PIP4K2A: variants seen among roughly 807,000 people sequenced by gnomAD.
PIP4K2A encodes the protein phosphatidylinositol-5-phosphate 4-kinase type 2 alpha, also known as phosphatidylinositol 5-phosphate 4-kinase type-2 alpha.
A neutral mutation model predicts 42.9 loss-of-function variants in PIP4K2A; 14 were observed. That is an observed-to-expected ratio of 0.33 (90% CI 0.22 to 0.51). The LOEUF is 0.51. Ranked by LOEUF, PIP4K2A falls within the 20% of genes least tolerant of loss-of-function variation. The pLI, the probability that PIP4K2A is intolerant of heterozygous loss-of-function variation, is 0.97. For synonymous variants in PIP4K2A, 192 were observed against 192.2 expected (o/e 1.00, Z 0.01); for missense variants, 434 against 519.8 (o/e 0.83, Z 1.61).
intron 4 of PIP4K2A, among the ~76,000 whole-genome samples, chr10:22,575,466 C>CA (rs1488326926): frequency 6.6e-6 from 1 of 152,188 alleles, no homozygotes; most frequent in Admixed American, 6.5e-5. Context: ...AGCTATGTCT[C>CA]ACAGCGACAA....
chr10:22,692,491 A>G (rs1439879493), intron 1 of PIP4K2A, among the ~76,000 whole-genome samples: 2 of 152,100 alleles, frequency 1.3e-5, no homozygotes, highest in African/African-American at 4.8e-5. Context: ...TCCACACTAG[A>G]TTATTTGAGA....
chr10:22,581,418 G>A (rs1381358110), intron 4 of PIP4K2A, among the ~76,000 whole-genome samples: 1 of 151,874 alleles, frequency 6.6e-6, no homozygotes, highest in African/African-American at 2.4e-5. Context: ...ATTCTTTGGG[G>A]TCAGCTTTCC....
intron 5 of PIP4K2A, among the ~76,000 whole-genome samples, chr10:22,570,724 T>C (rs1836964154): frequency 6.6e-6 from 1 of 152,184 alleles, no homozygotes; most frequent in Non-Finnish European, 1.5e-5. Flanking sequence ...TTATTTGCCT[T>C]TTTCAGCGTC....
intron 8 of PIP4K2A, among the ~76,000 whole-genome samples, chr10:22,541,267 A>G (rs1836105015): frequency 6.6e-6 from 1 of 152,176 alleles, no homozygotes; most frequent in African/African-American, 2.4e-5. Context: ...CACAGGGCCC[A>G]TCTTCACACA....
intron 1 of PIP4K2A, among the ~76,000 whole-genome samples, chr10:22,703,169 G>C (rs1232662312): frequency 6.6e-6 from 1 of 152,186 alleles, no homozygotes; most frequent in Admixed American, 6.5e-5. Flanking sequence ...ACCTAGGGAG[G>C]CTGAGGCAGG....
intron 1 of PIP4K2A, among the ~76,000 whole-genome samples, chr10:22,678,550 GA>G (rs1467957916): frequency 1.3e-5 from 2 of 152,158 alleles, no homozygotes; most frequent in East Asian, 3.8e-4. Context: ...GCTGTTGAAA[GA>G]GCAACAGAAT....
intron 6 of PIP4K2A, among the ~76,000 whole-genome samples, chr10:22,554,055 C>G (rs372375383): frequency 1.3e-3 from 192 of 151,956 alleles, no homozygotes; most frequent in African/African-American, 3.9e-3. Context: ...GTAGGAGGAT[C>G]GCTTGAGCCC....
At chr10:22,596,017 C>T (rs901170953) in intron 3 of PIP4K2A, among the ~76,000 whole-genome samples, 1 of 151,642 alleles carries the variant, frequency 6.6e-6, no homozygotes, top group Admixed American at 6.6e-5. Context: ...ACTAGCCTGA[C>T]CAACATGGAG....
intron 4 of PIP4K2A, among the ~76,000 whole-genome samples, chr10:22,588,029 G>T (rs995635674): frequency 6.6e-6 from 1 of 152,130 alleles, no homozygotes; most frequent in Admixed American, 6.5e-5. Flanking sequence ...GGAATTCTCT[G>T]ATCATGTAAT....
chr10:22,604,009 GCA>G (rs10571071), intron 3 of PIP4K2A, among the ~76,000 whole-genome samples: 83,655 of 149,426 alleles, frequency 0.56, 23,643 homozygotes, highest in East Asian at 0.92. Context: ...ACGCGCGCAC[GCA>G]CACACACACA....
chr10:22,548,470 G>C (rs1836309325), intron 7 of PIP4K2A, among the ~76,000 whole-genome samples: 1 of 151,972 alleles, frequency 6.6e-6, no homozygotes, highest in African/African-American at 2.4e-5. Flanking sequence ...TTTTTTAATA[G>C]GTCACAGATA....
At chr10:22,640,014 CTTTTTTTTTTTTTT>C (rs71395806) in intron 1 of PIP4K2A, among the ~76,000 whole-genome samples, 6,299 of 92,590 alleles carry the variant, frequency 0.068, 238 homozygotes, top group Middle Eastern at 0.15. Flanking sequence ...GATGTGTTGT[CTTTTTTTTTTTTTT>C]TTTTTTTTTT....
intron 1 of PIP4K2A, among the ~76,000 whole-genome samples, chr10:22,674,606 G>A (rs949530111): frequency 6.6e-6 from 1 of 151,810 alleles, no homozygotes. Flanking sequence ...ATTCTTTATA[G>A]CACTGAAAAT....
intron 1 of PIP4K2A, among the ~76,000 whole-genome samples, chr10:22,613,324 G>A (rs1261598664): frequency 6.6e-6 from 1 of 152,152 alleles, no homozygotes; most frequent in African/African-American, 2.4e-5. Flanking sequence ...GCGAGATGAA[G>A]AGGGATGAGG....
rs775240586 is a variant in PIP4K2A at position 22,573,301 on chromosome 10, T to C, written c.639+10A>G. 2.5e-6 allele frequency: 4 copies of C among 1,609,822 alleles called. No individual in the cohort carries two copies. The highest frequency in any genetic ancestry group is 3.4e-5 in the Admixed American group (2 of 59,458). The stretch of plus-strand genomic sequence containing the variant: ...AGTTACTTTACAAAAATTCATAAAA[T>C]CAGTCTCACCTTTAAGTCGTATTTC... On this transcript the variant is annotated intron_variant, in intron 5 of 9. Coordinates refer to ENST00000376573, the MANE Select transcript of PIP4K2A (RefSeq NM_005028.5).
At chr10:22,539,894 A>AGAGAGAGAGAGAGAGAGG in intron 9 of PIP4K2A, 77 bp downstream of exon 9, 1 of 620,506 alleles carries the variant, frequency 1.6e-6, no homozygotes, top group Admixed American at 2.5e-5. Context: ...CAGGAGAGAG[A>AGAGAGAGAGAGAGAGAGG]GAGAGAGAGA....
chr10:22,619,646 A>C (rs1394315559), intron 1 of PIP4K2A, among the ~76,000 whole-genome samples: 3 of 152,028 alleles, frequency 2.0e-5, no homozygotes, highest in Non-Finnish European at 4.4e-5. Flanking sequence ...CATGTTAGCC[A>C]GGCTGGTCTC....
chr10:22,573,236 T>A (rs566189496), intron 5 of PIP4K2A, 75 bp downstream of exon 5: 1 of 1,354,938 alleles, frequency 7.4e-7, no homozygotes, highest in South Asian at 1.3e-5. Context: ...GCATTTCTGA[T>A]GATCAATGAC....
chr10:22,593,811 C>G (rs1273337908), intron 3 of PIP4K2A, among the ~76,000 whole-genome samples: 2 of 152,204 alleles, frequency 1.3e-5, no homozygotes, highest in Non-Finnish European at 2.9e-5. Context: ...CCAAGTGGAA[C>G]AGACCTTAAA....
Sources: allele counts gnomAD v4.1 joint callset (sites outside exome capture counted in the v4.1 genomes callset), GRCh38; gene constraint gnomAD v4.1.1; transcripts MANE v1.5; gene names NCBI Gene and HGNC (gene_info 2026-07-23, HGNC 2026-07-21).